NTNG2: variants seen among roughly 807,000 people sequenced by gnomAD.
The protein encoded by NTNG2 is netrin G2, also known as netrin-G2.
NTNG2 carries 15 observed loss-of-function variants against 47.6 expected under a neutral mutation model. The ratio of observed to expected loss-of-function variants is 0.32; its 90% CI spans 0.21 to 0.49. The LOEUF is 0.49. NTNG2 is among the 20% of genes least tolerant of loss of function. The pLI, the probability that NTNG2 is intolerant of heterozygous loss-of-function variation, is 0.99. For missense variants in NTNG2, 578 were observed against 764.6 expected (o/e 0.76, Z 2.88); for synonymous variants, 307 against 324.6 (o/e 0.95, Z 0.58).
intron 2 of NTNG2, among the ~76,000 whole-genome samples, chr9:132,179,187 C>T (rs991657462): frequency 6.6e-6 from 1 of 152,238 alleles, no homozygotes; most frequent in African/African-American, 2.4e-5. Flanking sequence ...TACACGTGCC[C>T]TGGATCTGAC....
At chr9:132,214,039 G>T (rs115973739) in intron 3 of NTNG2, among the ~76,000 whole-genome samples, 1 of 152,174 alleles carries the variant, frequency 6.6e-6, no homozygotes, top group African/African-American at 2.4e-5. Context: ...TCCCCGTGGG[G>T]CTTTGCCTTT....
intron 2 of NTNG2, among the ~76,000 whole-genome samples, chr9:132,172,852 C>T (rs1194862527): frequency 6.6e-6 from 1 of 151,748 alleles, no homozygotes; most frequent in Non-Finnish European, 1.5e-5. Context: ...GCCTCAGCCT[C>T]CCCAGTAGCT....
At chr9:132,170,519 A>C (rs896120630) in intron 2 of NTNG2, among the ~76,000 whole-genome samples, 1 of 152,222 alleles carries the variant, frequency 6.6e-6, no homozygotes, top group Non-Finnish European at 1.5e-5. Context: ...CTCACAGGGC[A>C]ACTGCTGCTT....
intron 2 of NTNG2, among the ~76,000 whole-genome samples, chr9:132,168,749 C>G (rs554375989): frequency 6.6e-6 from 1 of 152,164 alleles, no homozygotes; most frequent in African/African-American, 2.4e-5. Flanking sequence ...CACACGCTCT[C>G]GGGCACGGTC....
chr9:132,186,796 G>T (rs1466340536), intron 2 of NTNG2, among the ~76,000 whole-genome samples: 1 of 152,262 alleles, frequency 6.6e-6, no homozygotes, highest in Non-Finnish European at 1.5e-5. Context: ...TACCTGGATA[G>T]AACTGCCTGG....
Position 132,206,324 on chromosome 9 carries a change from T to C in NTNG2, c.857+7715T>C, listed in dbSNP as rs542214898. Among the ~76,000 whole-genome samples, 4 of 152,326 alleles carry C rather than the reference T, an allele frequency of 2.6e-5. No individual in the cohort carries two copies. The South Asian group carries it at 8.3e-4, about 32-fold the overall frequency. ...AAGGGGGTCCATGATCCCAAAATAT[T>C]TGGAGAGTCCCTGGAAAGGCAGCTT... On this transcript the variant is annotated intron_variant, in intron 3 of 7. Transcript: ENST00000393229.
chr9:132,239,019 C>T (rs1291979345), intron 5 of NTNG2, 85 bp from the exon 6 acceptor site: 3 of 1,390,070 alleles, frequency 2.2e-6, no homozygotes, highest in African/African-American at 1.4e-5. Flanking sequence ...CCTGCATGAC[C>T]TGGGGTGAGT....
intron 2 of NTNG2, among the ~76,000 whole-genome samples, chr9:132,194,157 G>A (rs1838103072): frequency 6.6e-6 from 1 of 152,212 alleles, no homozygotes; most frequent in Non-Finnish European, 1.5e-5. Flanking sequence ...CCCAGGGGCA[G>A]CAGAAGCAGC....
At chr9:132,174,495 T>C (rs1217914315) in intron 2 of NTNG2, among the ~76,000 whole-genome samples, 1 of 152,204 alleles carries the variant, frequency 6.6e-6, no homozygotes, top group Non-Finnish European at 1.5e-5. Flanking sequence ...ATAAGTCCCT[T>C]GTGACCCTGA....
At chr9:132,171,655 CA>C (rs1564381681) in intron 2 of NTNG2, among the ~76,000 whole-genome samples, 1 of 152,232 alleles carries the variant, frequency 6.6e-6, no homozygotes, top group Non-Finnish European at 1.5e-5. Flanking sequence ...ATTCCTCCCC[CA>C]GGGGGTCTGC....
At chr9:132,224,373 G>T (rs1472464168) in intron 3 of NTNG2, among the ~76,000 whole-genome samples, 1 of 152,106 alleles carries the variant, frequency 6.6e-6, no homozygotes, top group Non-Finnish European at 1.5e-5. Context: ...AGTGGGTTTT[G>T]CCATATGCAT....
At chr9:132,240,813 T>C (rs1841925672) in intron 6 of NTNG2, 97 bp from the exon 7 acceptor site, 3 of 1,541,960 alleles carry the variant, frequency 1.9e-6, no homozygotes, top group South Asian at 1.1e-5. Context: ...CCCTGGGGAG[T>C]GTGGAGATGC....
chr9:132,241,199 CG>C (rs1178352001), intron 7 of NTNG2, among the ~76,000 whole-genome samples, 155 bp downstream of exon 7: 2 of 77,814 alleles, frequency 2.6e-5, no homozygotes, highest in Admixed American at 1.3e-4. Flanking sequence ...CCTAGTGGGA[CG>C]GGGAAGAGGC....
chr9:132,174,321 C>CGGAT (rs1836234551), intron 2 of NTNG2, among the ~76,000 whole-genome samples: 1 of 130,202 alleles, frequency 7.7e-6, no homozygotes, highest in South Asian at 2.6e-4. Flanking sequence ...GACGGACGGA[C>CGGAT]GGACGGACAG....
In NTNG2 at chr9:132,197,210, G is replaced by A. The variant is rs577273909; in HGVS notation, c.214-756G>A. Among the ~76,000 whole-genome samples, 21 of 152,260 alleles carry A rather than the reference G, an allele frequency of 1.4e-4. No homozygotes were observed. The South Asian group carries it at 2.1e-3, about 15-fold the overall frequency. Reference sequence around the variant, plus strand: ...TCGAGACCAGCCTGGCCAACATGGCGAAACCCTGTCTCTACTAAAAACACA... The same window carrying A: ...TCGAGACCAGCCTGGCCAACATGGCAAAACCCTGTCTCTACTAAAAACACA... On this transcript the variant is annotated intron_variant, in intron 2 of 7. Coordinates refer to ENST00000393229, the MANE Select transcript of NTNG2 (RefSeq NM_032536.4). The surrounding 1 kb of genome is among the most constrained non-coding windows in gnomAD (Gnocchi z 4.3).
In NTNG2 at chr9:132,242,148, GGGGGTCCC is replaced by G. The variant is rs909769232; in HGVS notation, c.*50_*57del. ...AGGACGCTCCCCGCACCCGGAGGCC[GGGGGTCCC>G]GGGGTCCCGGGGCGGGGCCGGCGTC... is the stretch of plus-strand genomic sequence containing the variant. On this transcript the variant is annotated 3_prime_UTR_variant, in exon 8 of 8. Coordinates refer to ENST00000393229, the MANE Select transcript of NTNG2 (RefSeq NM_032536.4). This position sits in a 1 kb window ranked among gnomAD's most constrained non-coding sequence, Gnocchi z 5.9. 3 of 1,009,688 alleles carry G rather than the reference GGGGGTCCC, an allele frequency of 3.0e-6. No homozygotes were observed. Among genetic ancestry groups the G allele is most frequent in the African/African-American group, 1.7e-5 (1 of 58,012 alleles). The allele number at this position is 1,009,688 out of a possible 1,614,324, so 62.5% of individuals were successfully genotyped here.
chr9:132,192,409 G>A (rs1837966297), intron 2 of NTNG2, among the ~76,000 whole-genome samples: 1 of 152,158 alleles, frequency 6.6e-6, no homozygotes. Context: ...TTGCCAACAT[G>A]GTGAAACCCT....
At chr9:132,234,856 AGTCTTCC>A (rs958770567) in intron 5 of NTNG2, among the ~76,000 whole-genome samples, 2 of 152,254 alleles carry the variant, frequency 1.3e-5, no homozygotes, top group Admixed American at 1.3e-4. Context: ...CCAGCTGGAA[AGTCTTCC>A]GCACTTGTTA....
At position 132,244,200 on chromosome 9, in the gene NTNG2, C is replaced by T. The variant is rs977219597; in HGVS notation, c.*2089C>T. 2.0e-5 allele frequency: 3 copies of T among 152,262 alleles called. No homozygotes were observed. Among genetic ancestry groups the T allele is most frequent in the Non-Finnish European group, 4.4e-5 (3 of 68,058 alleles). The allele number at this position is 152,262 out of a possible 1,614,324, so 9.4% of individuals were successfully genotyped here. On this transcript the variant is annotated 3_prime_UTR_variant, in exon 8 of 8. Coordinates refer to ENST00000393229, the MANE Select transcript of NTNG2 (RefSeq NM_032536.4). The stretch of plus-strand genomic sequence containing the variant: ...TTTCTCTCTCATCCCTCCCTCTGCT[C>T]TTCAGTCAGCAGGATGGGGAAGGAG...
Sources: gnomAD v4.1 joint callset for allele counts (sites outside exome capture counted in the v4.1 genomes callset) on GRCh38, gnomAD v4.1.1 for gene constraint, Gnocchi (gnomAD v3.1) non-coding constraint, MANE v1.5 for transcripts, NCBI Gene and HGNC (gene_info 2026-07-23, HGNC 2026-07-21) for gene names.